Variants in RELT observed in about 807,000 individuals in gnomAD.
The protein encoded by RELT is tumor necrosis factor receptor superfamily member 19L.
In RELT, 37 loss-of-function variants were observed where a neutral mutation model predicts 51.1. The observed-to-expected ratio is 0.72, with a 90% CI of 0.56 to 0.95. RELT has a LOEUF of 0.95. Ranked by LOEUF, RELT falls within the 40% of genes least tolerant of loss-of-function variation. RELT has a pLI of 0.00. For synonymous variants in RELT, 241 were observed against 235.7 expected (o/e 1.02, Z -0.21); for missense variants, 535 against 572.6 (o/e 0.93, Z 0.67).
At chr11:73,377,703 C>T (rs1281967834) in intron 1 of RELT, among the ~76,000 whole-genome samples, 3 of 146,070 alleles carry the variant, frequency 2.1e-5, no homozygotes, top group Non-Finnish European at 4.5e-5. Context: ...CCCTCCCCCG[C>T]GCAGGCCTCA....
chr11:73,382,146 G>C (rs777871020), intron 1 of RELT, among the ~76,000 whole-genome samples: 1 of 152,214 alleles, frequency 6.6e-6, no homozygotes, highest in Non-Finnish European at 1.5e-5. Flanking sequence ...TCTCCTCCCT[G>C]CTCCACCACT....
chr11:73,383,494 G>T (rs73542929), intron 1 of RELT, among the ~76,000 whole-genome samples: 11,848 of 152,294 alleles, frequency 0.078, 596 homozygotes, highest in Non-Finnish European at 0.1. Context: ...GGGCCCTCCT[G>T]GGTCCTTAGT....
At chr11:73,379,469 T>C (rs187525292) in intron 1 of RELT, among the ~76,000 whole-genome samples, 35 of 152,200 alleles carry the variant, frequency 2.3e-4, no homozygotes, top group African/African-American at 7.9e-4. Context: ...AGGGGAGATA[T>C]TGAGGGCCAG....
intron 5 of RELT, 94 bp downstream of exon 5, chr11:73,391,317 G>T: frequency 1.8e-6 from 2 of 1,135,552 alleles, no homozygotes; most frequent in South Asian, 1.5e-5. Flanking sequence ...GTTCATGTGG[G>T]GGCAGTGGGG....
At chr11:73,387,938 C>T (rs1364313953) in intron 1 of RELT, among the ~76,000 whole-genome samples, 3 of 152,178 alleles carry the variant, frequency 2.0e-5, no homozygotes, top group Admixed American at 6.5e-5. Flanking sequence ...CTGAAGAGCA[C>T]GGCTTTCCTC....
intron 1 of RELT, among the ~76,000 whole-genome samples, chr11:73,382,500 C>G (rs1866065526): frequency 6.6e-6 from 1 of 152,214 alleles, no homozygotes; most frequent in South Asian, 2.1e-4. Flanking sequence ...GCTGTCCTGT[C>G]TCAGGGCCAG....
rs776420546 is a variant in RELT, at chr11:73,395,305, G to T, written c.1245+20G>T. ...GCCGAGGTGAGAGTCAAGGAGAAAG[G>T]CATCTGTTGGCACCTGGGCCAACCC... is the stretch of plus-strand genomic sequence containing the variant. On this transcript the variant is annotated intron_variant, in intron 10 of 10. Transcript: ENST00000064780. 6.2e-7 allele frequency: 1 copy of T among 1,611,542 alleles called. No individual in the cohort carries two copies. The highest frequency in any genetic ancestry group is 8.5e-7 in the Non-Finnish European group (1 of 1,179,086).
chr11:73,380,299 A>G (rs1866031029), intron 1 of RELT, among the ~76,000 whole-genome samples: 2 of 152,196 alleles, frequency 1.3e-5, no homozygotes, highest in East Asian at 1.9e-4. Context: ...GGTGCTCACC[A>G]TGACCTGAGG....
intron 1 of RELT, among the ~76,000 whole-genome samples, chr11:73,385,259 C>T (rs370566628): frequency 6.6e-6 from 1 of 152,118 alleles, no homozygotes; most frequent in East Asian, 1.9e-4. Context: ...GTGACCCCAG[C>T]GAGCTTCAGT....
Position 73,394,830 on chromosome 11 carries a change from C to A in RELT, c.1046+96C>A. ...GGCCCCAGCTTGGGCCCTGAGCACC[C>A]TGCTCAATGGGAGCCCTGCCCTTAT... On this transcript the variant is annotated intron_variant, in intron 9 of 10. Coordinates refer to ENST00000064780, the MANE Select transcript of RELT (RefSeq NM_152222.2). The surrounding 1 kb of genome is among the most constrained non-coding windows in gnomAD (Gnocchi z 4.9). 7.1e-7 allele frequency: 1 copy of A among 1,417,064 alleles called. No homozygotes were observed. The highest frequency in any genetic ancestry group is 1.3e-5 in the South Asian group (1 of 77,644). The allele number at this position is 1,417,064 out of a possible 1,614,324, so 87.8% of individuals were successfully genotyped here. A position where few individuals can be genotyped will look rare whatever the true frequency, so the allele number is the denominator to read the frequency against.
At position 73,392,306 on chromosome 11, in the gene RELT, G is replaced by A. The variant is rs1448144258; in HGVS notation, c.463G>A (p.Gly155Ser). ...RQPGNGTRAGGPEETAAQYAV... is the reference protein window; with the variant it reads ...RQPGNGTRAGSPEETAAQYAV... ...GCCTGGGAACGGCACCCGGGCAGGTGGCCCAGAGGAGACAGCCGCCCAGTA... is the reference window on the plus strand; with the variant it reads ...GCCTGGGAACGGCACCCGGGCAGGTAGCCCAGAGGAGACAGCCGCCCAGTA... Residue 155 changes from glycine (G) to serine (S), a missense_variant, in exon 6 of 11, where the codon GGC becomes AGC. Coordinates refer to ENST00000064780, the MANE Select transcript of RELT (RefSeq NM_152222.2). The A allele has an allele frequency of 3.5e-5, 56 of 1,613,404 alleles. No homozygotes were observed. In the East Asian group the frequency reaches 1.2e-3, roughly 35 times the overall value.
At chr11:73,395,043 C>T (rs28641751) in intron 9 of RELT, 44 bp from the exon 10 acceptor site, 11 of 1,533,812 alleles carry the variant, frequency 7.2e-6, no homozygotes, top group Middle Eastern at 1.7e-4. Flanking sequence ...CTCTGTGCCC[C>T]GGGATCCCCG....
In RELT at chr11:73,396,181, A is replaced by T. The variant is rs1866317108; in HGVS notation, c.*690A>T. On this transcript the variant is annotated 3_prime_UTR_variant, in exon 11 of 11. Coordinates refer to ENST00000064780, the MANE Select transcript of RELT (RefSeq NM_152222.2). ...ATCCAGCCCCGTTTTTGCTGCTTCCAGGGCCTCTGCCTTCAAGGCCCCCAT... is the reference window on the plus strand; with the variant it reads ...ATCCAGCCCCGTTTTTGCTGCTTCCTGGGCCTCTGCCTTCAAGGCCCCCAT... The T allele has an allele frequency of 6.5e-6, 1 of 152,768 alleles. No homozygotes were observed. Among genetic ancestry groups the T allele is most frequent in the Non-Finnish European group, 1.5e-5 (1 of 68,156 alleles). 9.5% of individuals were successfully genotyped at this position (152,768 alleles called of 1,614,324 possible).
intron 1 of RELT, among the ~76,000 whole-genome samples, chr11:73,383,850 G>A (rs1701025016): frequency 6.6e-6 from 1 of 152,250 alleles, no homozygotes; most frequent in South Asian, 2.1e-4. Flanking sequence ...AAGCCACTCA[G>A]CGTGGTCGCT....
In RELT at chr11:73,394,080, C is replaced by T. The variant is rs1329139441; in HGVS notation, c.707-156C>T. ...TCTGACCCAGGAGTGCACACCTCTG[C>T]CTCCCATTCTTGCCTGATGAAGTGG... On this transcript the variant is annotated intron_variant, in intron 7 of 10. Coordinates refer to ENST00000064780, the MANE Select transcript of RELT (RefSeq NM_152222.2). The surrounding 1 kb of genome is among the most constrained non-coding windows in gnomAD (Gnocchi z 4.9). 7.4e-6 allele frequency: 7 copies of T among 940,720 alleles called. No individual in the cohort carries two copies. The highest frequency in any genetic ancestry group is 1.6e-5 in the African/African-American group (1 of 61,466). 58.3% of individuals were successfully genotyped at this position (940,720 alleles called of 1,614,324 possible).
Position 73,388,545 on chromosome 11 carries a change from T to C in RELT, c.-25-567T>C, listed in dbSNP as rs902503858. ...GAGCCAGACCCACTTTGGGGAAAGC[T>C]TCTAGAGAAGCTTCTGGAAAGAGAG... On this transcript the variant is annotated intron_variant, in intron 1 of 10. Transcript: ENST00000064780. The surrounding 1 kb of genome is among the most constrained non-coding windows in gnomAD (Gnocchi z 4.1). Among the ~76,000 whole-genome samples the C allele has an allele frequency of 9.2e-5, 14 of 152,158 alleles. No homozygotes were observed. Among genetic ancestry groups the C allele is most frequent in the African/African-American group, 3.4e-4 (14 of 41,426 alleles).
At chr11:73,379,838 A>C (rs996858852) in intron 1 of RELT, among the ~76,000 whole-genome samples, 9 of 152,168 alleles carry the variant, frequency 5.9e-5, no homozygotes, top group Admixed American at 1.3e-4. Context: ...TTCGCCTACA[A>C]AGTGTAGTTC....
chr11:73,395,223 C>G lies in RELT; in HGVS notation c.1183C>G (p.Leu395Val), dbSNP rs773975853. 2.5e-6 allele frequency: 4 copies of G among 1,613,258 alleles called. No homozygotes were observed. The highest frequency in any genetic ancestry group is 3.3e-4 in the Middle Eastern group (2 of 6,062). Residue 395 changes from leucine (L) to valine (V), a missense_variant, in exon 10 of 11, where the codon CTG becomes GTG. Coordinates refer to ENST00000064780, the MANE Select transcript of RELT (RefSeq NM_152222.2). ...TGGCCTCCCCCCTGAGCAGCAGGCC[C>G]TGCTAGGAAGTGGCGGAAGCCGTAC... ...QPGLPPEQQA[L>V]LGSGGSRTKW...
chr11:73,394,712 A>G lies in RELT; in HGVS notation c.1024A>G (p.Ile342Val), dbSNP rs1433562637. 1.2e-6 allele frequency: 2 copies of G among 1,611,120 alleles called. No individual in the cohort carries two copies. Among genetic ancestry groups the G allele is most frequent in the Admixed American group, 3.3e-5 (2 of 60,020 alleles). The change falls in exon 9 of 11, where the codon ATC becomes GTC. Residue 342 changes from isoleucine to valine, a missense_variant. Physicochemically the swap from Ile to Val is conservative, Grantham distance 29 (BLOSUM62 3). Transcript: ENST00000064780. The surrounding 1 kb of genome is among the most constrained non-coding windows in gnomAD (Gnocchi z 4.9). ...AGAKAGRQGE[I>V]TILSVGRFRV... ...GGCCAAGGCAGGGCGTCAGGGCGAG[A>G]TCACCATCTTGTCTGTGGGCAGGTG... is the stretch of plus-strand genomic sequence containing the variant.
Sources: allele counts gnomAD v4.1 joint callset (sites outside exome capture counted in the v4.1 genomes callset), GRCh38; gene constraint gnomAD v4.1.1; non-coding constraint Gnocchi (gnomAD v3.1); transcripts MANE v1.5; gene names NCBI Gene and HGNC (gene_info 2026-07-23, HGNC 2026-07-21).